Variants in KLHL28 observed in about 807,000 individuals in gnomAD.
The protein encoded by KLHL28 is kelch like family member 28, also known as kelch-like protein 28.
KLHL28 carries 22 observed loss-of-function variants against 48.3 expected under a neutral mutation model. That is an observed-to-expected ratio of 0.46 (90% CI 0.33 to 0.65). The LOEUF is 0.65. Among genes scored for constraint, KLHL28 ranks in the 30% least tolerant of loss-of-function variants. KLHL28 has a pLI of 0.03. For synonymous variants in KLHL28, 243 were observed against 242.4 expected (o/e 1.00, Z -0.02); for missense variants, 527 against 704.3 (o/e 0.75, Z 2.85).
At chr14:44,938,640 G>C (rs958635920) in intron 2 of KLHL28, among the ~76,000 whole-genome samples, 1 of 152,182 alleles carries the variant, frequency 6.6e-6, no homozygotes, top group Non-Finnish European at 1.5e-5. Context: ...AAAGTGCTGA[G>C]ATTACAAGCG....
rs1458614046 is a variant in KLHL28, at chr14:44,934,331, C to T, written c.1127G>A (p.Arg376Gln). 12 of 1,613,972 alleles carry T rather than the reference C, an allele frequency of 7.4e-6. No individual in the cohort carries two copies. The highest frequency in any genetic ancestry group is 2.2e-5 in the East Asian group (1 of 44,876). ...WTSLERMNES[R>Q]STLGVVVLAG... ...AAGTACTACTACTCCAAGAGTACTT[C>T]GGCTTTCATTCATTCTCTCTAGAGA... Residue 376 changes from arginine (R) to glutamine (Q), a missense_variant, in exon 3 of 5, where the codon CGA becomes CAA. Arg to Gln is a conservative substitution (Grantham distance 43). Transcript: ENST00000396128.
intron 2 of KLHL28, among the ~76,000 whole-genome samples, chr14:44,938,866 C>CTT (rs1194815415): frequency 1.3e-5 from 2 of 152,176 alleles, no homozygotes; most frequent in Admixed American, 1.3e-4. Context: ...TTGCACACTA[C>CTT]TTGCACTACA....
At chr14:44,952,820 G>A (rs2138657939) in intron 1 of KLHL28, among the ~76,000 whole-genome samples, 1 of 151,668 alleles carries the variant, frequency 6.6e-6, no homozygotes, top group South Asian at 2.1e-4. Context: ...AATCCTCAAA[G>A]CCCCACATTT....
rs1883481109 is a variant in KLHL28 at position 44,929,130 on chromosome 14, G to C, written c.1614C>G (p.Ser538=). ...LYVVGGHSGS[S]YLNTVQKYDP... is the part of the protein sequence containing the mutation. ...CATATTTCTGCACTGTATTCAGATA[G>C]GAAGACCCTGAGTGACCACCGACGA... The change falls in exon 5 of 5, where the codon TCC becomes TCG. Residue 538 remains serine (S), a synonymous_variant. Transcript: ENST00000396128. The C allele has an allele frequency of 1.2e-6, 2 of 1,613,346 alleles. No homozygotes were observed. Among genetic ancestry groups the C allele is most frequent in the African/African-American group, 1.3e-5 (1 of 74,894 alleles).
At chr14:44,940,405 T>A (rs138627625) in intron 2 of KLHL28, among the ~76,000 whole-genome samples, 5 of 152,354 alleles carry the variant, frequency 3.3e-5, no homozygotes, top group African/African-American at 9.6e-5. Flanking sequence ...AGTGTTGAGA[T>A]GAGTGATGTG....
At chr14:44,929,378 C>G (rs1348507629) in intron 4 of KLHL28, among the ~76,000 whole-genome samples, 187 bp from the exon 5 acceptor site, 1 of 152,020 alleles carries the variant, frequency 6.6e-6, no homozygotes, top group African/African-American at 2.4e-5. Flanking sequence ...TTTCAGTTAC[C>G]TGAAGTCAAC....
intron 1 of KLHL28, among the ~76,000 whole-genome samples, chr14:44,958,922 C>A (rs971007348): frequency 2.6e-5 from 4 of 151,870 alleles, no homozygotes; most frequent in Admixed American, 2.6e-4. Context: ...CACTCATATA[C>A]ATCAAGAAAA....
chr14:44,944,218 C>G (rs938665231), intron 2 of KLHL28, among the ~76,000 whole-genome samples: 5 of 152,150 alleles, frequency 3.3e-5, no homozygotes, highest in African/African-American at 1.2e-4. Flanking sequence ...ATAAAAGTTA[C>G]TAGTATAATG....
chr14:44,956,701 C>G (rs1884807466), intron 1 of KLHL28, among the ~76,000 whole-genome samples: 1 of 152,100 alleles, frequency 6.6e-6, no homozygotes, highest in Non-Finnish European at 1.5e-5. Flanking sequence ...ACCTGTGAAC[C>G]ATAGACTTGT....
chr14:44,936,915 G>C (rs1165285303), intron 2 of KLHL28, among the ~76,000 whole-genome samples: 3 of 152,158 alleles, frequency 2.0e-5, no homozygotes, highest in African/African-American at 7.2e-5. Context: ...TCCTGAAAGG[G>C]ACAAAGACTC....
chr14:44,932,834 T>A (rs935978815), intron 3 of KLHL28, among the ~76,000 whole-genome samples: 1 of 152,116 alleles, frequency 6.6e-6, no homozygotes, highest in Non-Finnish European at 1.5e-5. Context: ...TTCCTTCAAC[T>A]AAGGGCAAAA....
At chr14:44,939,159 G>A (rs143435451) in intron 2 of KLHL28, among the ~76,000 whole-genome samples, 103 of 152,304 alleles carry the variant, frequency 6.8e-4, no homozygotes, top group African/African-American at 2.2e-3. Context: ...AGCTGGGGAA[G>A]CTACACTAGA....
At chr14:44,935,506 TATCA>T (rs1462191195) in intron 2 of KLHL28, among the ~76,000 whole-genome samples, 1 of 152,080 alleles carries the variant, frequency 6.6e-6, no homozygotes, top group Non-Finnish European at 1.5e-5. Flanking sequence ...CTATATAACA[TATCA>T]ATTAAGTGAA....
At position 44,943,276 on chromosome 14, in the gene KLHL28, G is replaced by C. The variant is rs140841276; in HGVS notation, c.899+1754C>G. ...CAGTAACCAGTGCATTTCAGAATAA[G>C]AGTTAAACAATCAATTCGTGTAGCT... On this transcript the variant is annotated intron_variant, in intron 2 of 4. Coordinates refer to ENST00000396128, the MANE Select transcript of KLHL28 (RefSeq NM_017658.5). Among the ~76,000 whole-genome samples the C allele has an allele frequency of 4.5e-4, 68 of 152,266 alleles. No homozygotes were observed. The East Asian group carries it at 0.012, about 28-fold the overall frequency.
chr14:44,940,655 C>G (rs142703978), intron 2 of KLHL28, among the ~76,000 whole-genome samples: 33 of 152,188 alleles, frequency 2.2e-4, no homozygotes, highest in African/African-American at 5.1e-4. Context: ...TGCTTTCAAC[C>G]CCCCCGCCAG....
intron 1 of KLHL28, chr14:44,953,581 T>C (rs1158456863): frequency 6.6e-6 from 1 of 152,390 alleles, no homozygotes; most frequent in African/African-American, 2.4e-5. Flanking sequence ...CCCCTCACCA[T>C]GTGAGGCCTT....
intron 1 of KLHL28, among the ~76,000 whole-genome samples, chr14:44,949,882 A>G (rs1357816653): frequency 6.6e-6 from 1 of 152,122 alleles, no homozygotes; most frequent in East Asian, 1.9e-4. Context: ...TAATATACAG[A>G]ACTACAGAGG....
chr14:44,952,109 C>G (rs1884611634), intron 1 of KLHL28, among the ~76,000 whole-genome samples: 1 of 152,120 alleles, frequency 6.6e-6, no homozygotes, highest in Non-Finnish European at 1.5e-5. Context: ...GATCACCCAC[C>G]CTGGACTCCT....
At chr14:44,943,745 C>G (rs995921183) in intron 2 of KLHL28, among the ~76,000 whole-genome samples, 1 of 148,276 alleles carries the variant, frequency 6.7e-6, no homozygotes, top group Non-Finnish European at 1.5e-5. Flanking sequence ...AACAGGGTCT[C>G]ATTCTGTCAC....
Sources: allele counts gnomAD v4.1 joint callset (sites outside exome capture counted in the v4.1 genomes callset), GRCh38; gene constraint gnomAD v4.1.1; transcripts MANE v1.5; gene names NCBI Gene and HGNC (gene_info 2026-07-23, HGNC 2026-07-21).